The following KMT2D variants were observed in gnomAD, a reference collection of about 807,000 sequenced individuals.
KMT2D encodes lysine methyltransferase 2D, also known as histone-lysine N-methyltransferase 2D.
Under a neutral mutation model 512.7 loss-of-function variants are expected in KMT2D, and 55 were observed. That is an observed-to-expected ratio of 0.11 (90% confidence interval 0.09 to 0.13). KMT2D has a LOEUF of 0.13. Ranked by LOEUF, KMT2D falls within the 10% of genes least tolerant of loss-of-function variation. KMT2D has a pLI of 1.00. For missense variants in KMT2D, 6,061 were observed against 7,127.9 expected (o/e 0.85, Z 5.39); for synonymous variants, 2,995 against 2,904.0 (o/e 1.03, Z -1.01).
At chr12:49,059,401 CCA>C (rs749162740) in intron 1 of KMT2D, among the ~76,000 whole-genome samples, 2 of 152,106 alleles carry the variant, frequency 1.3e-5, no homozygotes, top group Non-Finnish European at 2.9e-5. Flanking sequence ...CCCTGAACCC[CCA>C]GTCTTTAAAG....
At position 49,031,606 on chromosome 12, in the gene KMT2D, C is replaced by G. The variant is rs762058350; in HGVS notation, c.13099G>C (p.Asp4367His). The G allele has an allele frequency of 1.3e-6, 2 of 1,599,674 alleles. No individual in the cohort carries two copies. The highest frequency in any genetic ancestry group is 1.7e-6 in the Non-Finnish European group (2 of 1,173,056). ...RVSPAAAQLA[D>H]TLFSKGLGPW... is the part of the protein sequence containing the mutation. Reference sequence around the variant, plus strand: ...CCCAGACCCTTGCTAAACAAGGTATCTGCAAGCTGGGCAGCAGCAGGTGAG... The same window carrying G: ...CCCAGACCCTTGCTAAACAAGGTATGTGCAAGCTGGGCAGCAGCAGGTGAG... The change falls in exon 40 of 55, where the codon GAT becomes CAT. Residue 4367 changes from aspartate to histidine, a missense_variant. Physicochemically the swap from Asp to His is moderately conservative, Grantham distance 81 (BLOSUM62 -1). This residue lies in a region of KMT2D where 1,600 missense variants were observed against 1,754.9 expected (regional missense o/e 0.91). Transcript: ENST00000301067.
rs1942459477 is a variant in KMT2D at position 49,024,176 on chromosome 12, T to C, written c.16052+402A>G. On this transcript the variant is annotated intron_variant, in intron 51 of 54. Coordinates refer to ENST00000301067, the MANE Select transcript of KMT2D (RefSeq NM_003482.4). The surrounding 1 kb of genome is among the most constrained non-coding windows in gnomAD (Gnocchi z 4.5). ...TTTCTATTATATCTCTAACTATTTATTTTTGACACCAACACTCATGGGGAA... is the reference window on the plus strand; with the variant it reads ...TTTCTATTATATCTCTAACTATTTACTTTTGACACCAACACTCATGGGGAA... 4.5e-6 allele frequency: 2 copies of C among 448,172 alleles called. No homozygotes were observed. Among genetic ancestry groups the C allele is most frequent in the South Asian group, 3.3e-5 (2 of 60,424 alleles). 27.8% of individuals were successfully genotyped at this position (448,172 alleles called of 1,614,324 possible).
Position 49,030,395 on chromosome 12 carries a change from G to A in KMT2D, c.13884C>T (p.Pro4628=). The change falls in exon 43 of 55, where the codon CCC becomes CCT. Residue 4628 remains proline (P), a synonymous_variant. Coordinates refer to ENST00000301067, the MANE Select transcript of KMT2D (RefSeq NM_003482.4). ...NPPTPPSSLP[P]TPPPSVQQKM... is the part of the protein sequence containing the mutation. ...TCTGCTGCACCGATGGGGGTGGGGT[G>A]GGGGGCAGCGACGAGGGTGGTGTCG... 1 of 1,573,188 alleles carries A rather than the reference G, an allele frequency of 6.4e-7. No individual in the cohort carries two copies. Among genetic ancestry groups the A allele is most frequent in the South Asian group, 1.1e-5 (1 of 89,004 alleles).
chr12:49,050,795 A>G lies in KMT2D; in HGVS notation c.2798-5T>C, dbSNP rs764088538. ...AGAGTGGAGGAGGAAGGGGATCTGG[A>G]AGGAAAGAGAAAAAAGAAGGGCTCT... On this transcript the variant is annotated splice_region_variant and splice_polypyrimidine_tract_variant and intron_variant, in intron 11 of 54. Coordinates refer to ENST00000301067, the MANE Select transcript of KMT2D (RefSeq NM_003482.4). 6.3e-7 allele frequency: 1 copy of G among 1,594,296 alleles called. No homozygotes were observed. Among genetic ancestry groups the G allele is most frequent in the East Asian group, 2.3e-5 (1 of 44,444 alleles).
Position 49,030,887 on chromosome 12 carries a change from G to T in KMT2D, c.13671+6C>A. ...GGACCAGGGGGACTGTCTCCTGGGG[G>T]GTCACCTGTTTCAGCTGTTTCAGCA... On this transcript the variant is annotated splice_donor_region_variant and intron_variant, in intron 41 of 54. Coordinates refer to ENST00000301067, the MANE Select transcript of KMT2D (RefSeq NM_003482.4). The T allele has an allele frequency of 6.2e-7, 1 of 1,613,736 alleles. No individual in the cohort carries two copies. The highest frequency in any genetic ancestry group is 8.5e-7 in the Non-Finnish European group (1 of 1,179,786).
rs767317933 is a variant in KMT2D at position 49,046,285 on chromosome 12, G to A, written c.4558C>T (p.Leu1520=). 4.3e-6 allele frequency: 7 copies of A among 1,614,002 alleles called. 1 individual carries two copies. The highest frequency in any genetic ancestry group is 1.6e-4 in the Middle Eastern group (1 of 6,062). The change falls in exon 17 of 55, where the codon CTA becomes TTA. Residue 1520 remains leucine (L), a synonymous_variant. Transcript: ENST00000301067. The surrounding 1 kb of genome is among the most constrained non-coding windows in gnomAD (Gnocchi z 4.2). ...CGTTCACAGTGGCGGCACTGGATTA[G>A]TAGGTCCTCTTCTACGTAAGGAGCA... ...CHAPYVEEDL[L]IQCRHCERWM...
In KMT2D at chr12:49,042,773, C is replaced by T. The variant is rs770164509; in HGVS notation, c.5750G>A (p.Ser1917Asn). The change falls in exon 27 of 55, where the codon AGC becomes AAC. Residue 1917 changes from serine to asparagine, a missense_variant. Transcript: ENST00000301067. The surrounding 1 kb of genome is among the most constrained non-coding windows in gnomAD (Gnocchi z 4.4). The stretch of plus-strand genomic sequence containing the variant: ...AAAGGGCCTCTGCAGTGGCGTACGG[C>T]TGCCTTCTAGGCCAGGGGTTCCACA... The part of the protein sequence containing the change: ...LGCGTPGLEG[S>N]RTPLQRPFLQ... 1.8e-5 allele frequency: 29 copies of T among 1,613,814 alleles called. No individual in the cohort carries two copies. Among genetic ancestry groups the T allele is most frequent in the Non-Finnish European group, 2.4e-5 (28 of 1,179,828 alleles).
chr12:49,043,267 T>C (rs904832988), intron 25 of KMT2D, 81 bp from the exon 26 acceptor site: 138 of 1,554,140 alleles, frequency 8.9e-5, no homozygotes, highest in Non-Finnish European at 1.2e-4. Flanking sequence ...CATGGGACAG[T>C]TTCCAGCCTC....
chr12:49,024,193 C>A lies in KMT2D; in HGVS notation c.16052+385G>T. 1 of 441,492 alleles carries A rather than the reference C, an allele frequency of 2.3e-6. No individual in the cohort carries two copies. Among genetic ancestry groups the A allele is most frequent in the South Asian group, 1.8e-5 (1 of 56,136 alleles). 27.3% of individuals were successfully genotyped at this position (441,492 alleles called of 1,614,324 possible). On this transcript the variant is annotated intron_variant, in intron 51 of 54. Coordinates refer to ENST00000301067, the MANE Select transcript of KMT2D (RefSeq NM_003482.4). This position sits in a 1 kb window ranked among gnomAD's most constrained non-coding sequence, Gnocchi z 4.5. ...ACTATTTATTTTTGACACCAACACT[C>A]ATGGGGAAGGGAAGGTGACCCTAGC...
rs2120679431 is a variant in KMT2D, at chr12:49,051,963, G to A, written c.1720C>T (p.Pro574Ser). The A allele has an allele frequency of 6.2e-7, 1 of 1,613,682 alleles. No individual in the cohort carries two copies. The highest frequency in any genetic ancestry group is 1.1e-5 in the South Asian group (1 of 91,072). ...SPPPEASRLS[P>S]PPEESPMSPP... ...GACATGGGTGACTCCTCAGGTGGTG[G>A]AGACAGGCGAGATGCTTCAGGTGGC... Residue 574 changes from proline to serine, a missense_variant, in exon 11 of 55, where the codon CCA becomes TCA. By Grantham distance (74) the Pro-to-Ser change is moderately conservative (BLOSUM62 -1). Transcript: ENST00000301067.
chr12:49,022,948 A>AC lies in KMT2D; in HGVS notation c.16053-74dup, dbSNP rs1942397178. The AC allele has an allele frequency of 7.0e-7, 1 of 1,429,448 alleles. No individual in the cohort carries two copies. Among genetic ancestry groups the AC allele is most frequent in the Non-Finnish European group, 9.4e-7 (1 of 1,069,106 alleles). 88.5% of individuals were successfully genotyped at this position (1,429,448 alleles called of 1,614,324 possible). A position where few individuals can be genotyped will look rare whatever the true frequency, so the allele number is the denominator to read the frequency against. ...GTACATACCACCCACCTCCTCTGCC[A>AC]CCTCCTGGGATGTGCAACACACCAG... is the stretch of plus-strand genomic sequence containing the variant. On this transcript the variant is annotated intron_variant, in intron 51 of 54. Transcript: ENST00000301067. The surrounding 1 kb of genome is among the most constrained non-coding windows in gnomAD (Gnocchi z 8.6).
In KMT2D at chr12:49,048,673, A is replaced by G. The variant is rs2120624725; in HGVS notation, c.4117T>C (p.Phe1373Leu). 6.2e-7 allele frequency: 1 copy of G among 1,611,304 alleles called. No individual in the cohort carries two copies. Among genetic ancestry groups the G allele is most frequent in the Non-Finnish European group, 8.5e-7 (1 of 1,177,434 alleles). Residue 1373 changes from phenylalanine (F) to leucine (L), a missense_variant, in exon 14 of 55, where the codon TTT (phenylalanine) becomes CTT (leucine). This residue lies in a region of KMT2D where 53 missense variants were observed against 148.3 expected (regional missense o/e 0.36). Coordinates refer to ENST00000301067, the MANE Select transcript of KMT2D (RefSeq NM_003482.4). Reference protein sequence around the residue: ...TVVLFSNTDKFVLMQDMCVVC... With the variant: ...TVVLFSNTDKLVLMQDMCVVC... Reference sequence around the variant, plus strand: ...CTGTATGGTACCTGCATTAGGACAAATTTGTCTGTGTTGGAGAAGAGAACC... The same window carrying G: ...CTGTATGGTACCTGCATTAGGACAAGTTTGTCTGTGTTGGAGAAGAGAACC...
rs577970432 is a variant in KMT2D at position 49,033,624 on chromosome 12, C to A, written c.11081G>T (p.Gly3694Val). Residue 3694 changes from glycine to valine, a missense_variant, in exon 40 of 55, where the codon GGC becomes GTC. Around this residue, in one of 16 missense-constraint regions of KMT2D, gnomAD observed 1,600 missense variants for 1,754.9 expected, o/e 0.91. Coordinates refer to ENST00000301067, the MANE Select transcript of KMT2D (RefSeq NM_003482.4). ...QHSGGAGSLA[G>V]PSGGFFPGNL... Reference sequence around the variant, plus strand: ...GCCAGGGAAGAAGCCCCCTGAAGGGCCAGCCAGGGATCCAGCCCCACCAGA... The same window carrying A: ...GCCAGGGAAGAAGCCCCCTGAAGGGACAGCCAGGGATCCAGCCCCACCAGA... 1 of 1,613,654 alleles carries A rather than the reference C, an allele frequency of 6.2e-7. No individual in the cohort carries two copies. Among genetic ancestry groups the A allele is most frequent in the South Asian group, 1.1e-5 (1 of 91,074 alleles).
Position 49,051,907 on chromosome 12 carries a change from T to G in KMT2D, c.1776A>C (p.Pro592=), listed in dbSNP as rs777814390. The G allele has an allele frequency of 6.2e-7, 1 of 1,609,550 alleles. No homozygotes were observed. Among genetic ancestry groups the G allele is most frequent in the Non-Finnish European group, 8.5e-7 (1 of 1,178,748 alleles). The change falls in exon 11 of 55, where the codon CCA becomes CCC. Residue 592 remains proline, a synonymous_variant. Coordinates refer to ENST00000301067, the MANE Select transcript of KMT2D (RefSeq NM_003482.4). ...SPPPEESPMS[P]PPEASRLFPP... The stretch of plus-strand genomic sequence containing the variant: ...GGAACAGACGAGATGCCTCCGGTGG[T>G]GGAGACATGGGTGACTCTTCAGGTG...
At position 49,027,080 on chromosome 12, in the gene KMT2D, C is replaced by T. The variant is rs2120367284; in HGVS notation, c.14886G>A (p.Lys4962=). 1 of 1,612,564 alleles carries T rather than the reference C, an allele frequency of 6.2e-7. No individual in the cohort carries two copies. Among genetic ancestry groups the T allele is most frequent in the Non-Finnish European group, 8.5e-7 (1 of 1,179,032 alleles). The change falls in exon 49 of 55, where the codon AAG becomes AAA. Residue 4962 remains lysine, a synonymous_variant. Transcript: ENST00000301067. ...LASSPESARP[K]PRARPPEEGE... is the part of the protein sequence containing the mutation. ...CTTCTTCAGGGGGCCGGGCACGGGG[C>T]TTGGGTCGGGCTGATTCAGGGGATG... is the stretch of plus-strand genomic sequence containing the variant.
rs374958373 is a variant in KMT2D at position 49,027,137 on chromosome 12, C to T, written c.14829G>A (p.Glu4943=). ...LVELPTEPLA[E]PPVPSPLPLA... ...GTGGCAGAGGTGAGGGGACGGGTGG[C>T]TCAGCCAAGGGTTCGGTGGGAAGTT... Residue 4943 remains glutamate (E), a synonymous_variant, in exon 49 of 55, where the codon GAG becomes GAA. Coordinates refer to ENST00000301067, the MANE Select transcript of KMT2D (RefSeq NM_003482.4). 208 of 1,577,824 alleles carry T rather than the reference C, an allele frequency of 1.3e-4. 2 individuals are homozygous for T. Among genetic ancestry groups the T allele is most frequent in the Non-Finnish European group, 2.0e-5 (23 of 1,159,434 alleles).
rs1258286627 is a variant in KMT2D, at chr12:49,054,467, G to T, written c.401-51C>A. 2.5e-6 allele frequency: 4 copies of T among 1,570,134 alleles called. No homozygotes were observed. Among genetic ancestry groups the T allele is most frequent in the Non-Finnish European group, 3.5e-6 (4 of 1,156,302 alleles). On this transcript the variant is annotated intron_variant, in intron 4 of 54. Transcript: ENST00000301067. This position sits in a 1 kb window ranked among gnomAD's most constrained non-coding sequence, Gnocchi z 6.4. ...GAAAGGAAAGAATTAACAAAAAGAG[G>T]ATTGCTGGCTCAGGACTACCCAGCC... is the stretch of plus-strand genomic sequence containing the variant.
rs1352250283 is a variant in KMT2D, at chr12:49,031,796, G to A, written c.12909C>T (p.Gly4303=). ...PGALSTGPVL[G]PVHPTPPPSS... ...ATGGTGGAGGTGTGGGATGGACAGG[G>A]CCAAGGACTGGTCCTGTAGATAAGG... The change falls in exon 40 of 55, where the codon GGC becomes GGT. Residue 4303 remains glycine, a synonymous_variant. Coordinates refer to ENST00000301067, the MANE Select transcript of KMT2D (RefSeq NM_003482.4). 6.2e-7 allele frequency: 1 copy of A among 1,601,230 alleles called. No individual in the cohort carries two copies. Among genetic ancestry groups the A allele is most frequent in the Non-Finnish European group, 8.5e-7 (1 of 1,172,936 alleles).
At position 49,034,664 on chromosome 12, in the gene KMT2D, T is replaced by C. The variant is rs763848958; in HGVS notation, c.10358A>G (p.Gln3453Arg). The change falls in exon 37 of 55, where the codon CAG (glutamine) becomes CGG (arginine). Residue 3453 changes from glutamine (Q) to arginine (R), a missense_variant and splice_region_variant. This residue lies in a region of KMT2D where 533 missense variants were observed against 539.6 expected (regional missense o/e 0.99). Transcript: ENST00000301067. ...SIGVAPGMNR[Q>R]QVSLLAQRLS... is the part of the protein sequence containing the mutation. ...CCTCTGGGCTAGCAGAGACACTTGC[T>C]GTCTGGAGTCCACCAAAGCACAGAA... 1 of 1,612,726 alleles carries C rather than the reference T, an allele frequency of 6.2e-7. No individual in the cohort carries two copies. The highest frequency in any genetic ancestry group is 1.1e-5 in the South Asian group (1 of 90,980).
Sources: gnomAD v4.1 joint callset for allele counts (sites outside exome capture counted in the v4.1 genomes callset) on GRCh38, gnomAD v4.1.1 for gene constraint, gnomAD v4.1.1 regional missense constraint, Gnocchi (gnomAD v3.1) non-coding constraint, MANE v1.5 for transcripts, NCBI Gene and HGNC (gene_info 2026-07-23, HGNC 2026-07-21) for gene names.